CLUAP1: variants seen among roughly 807,000 people sequenced by gnomAD.
CLUAP1 encodes the protein intraflagellar transport 38.
In CLUAP1, 50 loss-of-function variants were observed where a neutral mutation model predicts 55.0. The ratio of observed to expected loss-of-function variants is 0.91; its 90% CI spans 0.72 to 1.15. CLUAP1 has a LOEUF of 1.15. Ranked by LOEUF, CLUAP1 falls within the 50% of genes most tolerant of loss-of-function variation. The pLI is 0.00. For missense variants in CLUAP1, 530 were observed against 507.6 expected (o/e 1.04, Z -0.42); for synonymous variants, 195 against 175.4 (o/e 1.11, Z -0.88).
At chr16:3,531,591 C>T (rs2038120748) in intron 10 of CLUAP1, among the ~76,000 whole-genome samples, 1 of 152,124 alleles carries the variant, frequency 6.6e-6, no homozygotes, top group Admixed American at 6.5e-5. Context: ...TGTGAATTCT[C>T]TCCTGGGGTC....
intron 10 of CLUAP1, among the ~76,000 whole-genome samples, chr16:3,531,792 T>G (rs1170940103): frequency 1.3e-5 from 2 of 152,030 alleles, no homozygotes; most frequent in Non-Finnish European, 2.9e-5. Flanking sequence ...TTTTTAAAAA[T>G]TAAGTACAAT....
chr16:3,511,474 C>A (rs887375644), intron 4 of CLUAP1, among the ~76,000 whole-genome samples: 5 of 152,164 alleles, frequency 3.3e-5, no homozygotes, highest in African/African-American at 1.2e-4. Flanking sequence ...GTGGGTGCCA[C>A]CCGATTTGCG....
chr16:3,527,329 A>C (rs2037964519), intron 9 of CLUAP1, among the ~76,000 whole-genome samples: 1 of 152,138 alleles, frequency 6.6e-6, no homozygotes, highest in Admixed American at 6.5e-5. Context: ...CAGGCCATAC[A>C]GATATAGGAG....
upstream of CLUAP1, among the ~76,000 whole-genome samples, chr16:3,498,190 G>A (rs1211321377): frequency 6.6e-6 from 1 of 152,058 alleles, no homozygotes; most frequent in African/African-American, 2.4e-5. Context: ...GGATGTCCCA[G>A]CCCATGAAGA....
upstream of CLUAP1, among the ~76,000 whole-genome samples, chr16:3,499,051 TAGAC>T (rs2037340608): frequency 1.3e-5 from 2 of 152,194 alleles, no homozygotes; most frequent in Non-Finnish European, 2.9e-5. Context: ...AGAAAATGAA[TAGAC>T]ATTTTTCCAA....
chr16:3,501,706 G>A (rs1276933840), intron 1 of CLUAP1, among the ~76,000 whole-genome samples: 1 of 151,934 alleles, frequency 6.6e-6, no homozygotes, highest in Non-Finnish European at 1.5e-5. Context: ...CGCTTTGGAG[G>A]TTGCGGTGAG....
At chr16:3,527,088 G>C (rs1426224575) in intron 9 of CLUAP1, among the ~76,000 whole-genome samples, 1 of 152,176 alleles carries the variant, frequency 6.6e-6, no homozygotes, top group African/African-American at 2.4e-5. Context: ...TCTGTGACCA[G>C]GCAGCTTCCC....
At position 3,532,917 on chromosome 16, in the gene CLUAP1, G is replaced by T. The variant is rs1439678295; in HGVS notation, c.1092+76G>T. The T allele has an allele frequency of 3.9e-6, 6 of 1,530,158 alleles. No individual in the cohort carries two copies. The African/African-American group carries it at 6.8e-5, about 17-fold the overall frequency. The allele number at this position is 1,530,158 out of a possible 1,614,324, so 94.8% of individuals were successfully genotyped here. A position where few individuals can be genotyped will look rare whatever the true frequency, so the allele number is the denominator to read the frequency against. ...CCCCATAGATGGGAGTGGCTGAGTT[G>T]CTGTCAGCAGCCAGGGAGCCGTCTA... On this transcript the variant is annotated intron_variant, in intron 11 of 11. Coordinates refer to ENST00000576634, the MANE Select transcript of CLUAP1 (RefSeq NM_015041.3).
intron 4 of CLUAP1, among the ~76,000 whole-genome samples, chr16:3,509,004 C>T (rs1057011296): frequency 6.6e-6 from 1 of 151,966 alleles, no homozygotes; most frequent in Admixed American, 6.6e-5. Context: ...CTCCTGTAAG[C>T]CAAACACTTT....
chr16:3,537,246 G>A lies in CLUAP1; in HGVS notation c.*975G>A, dbSNP rs1452027281. ...AGAAAAAGTGTTGGTACAGATTCAT[G>A]TTTCTGATTTAAAAAAACAACAACA... On this transcript the variant is annotated 3_prime_UTR_variant, in exon 12 of 12. Transcript: ENST00000576634. 2 of 152,152 alleles carry A rather than the reference G, an allele frequency of 1.3e-5. No homozygotes were observed. Among genetic ancestry groups the A allele is most frequent in the African/African-American group, 4.8e-5 (2 of 41,434 alleles). 9.4% of individuals were successfully genotyped at this position (152,152 alleles called of 1,614,324 possible).
intron 7 of CLUAP1, among the ~76,000 whole-genome samples, chr16:3,521,792 CG>C (rs2037841144): frequency 6.6e-6 from 1 of 151,414 alleles, no homozygotes; most frequent in Non-Finnish European, 1.5e-5. Flanking sequence ...CAGTGATTCA[CG>C]TCTATAATCC....
chr16:3,513,264 G>C (rs1224680804), intron 5 of CLUAP1, among the ~76,000 whole-genome samples: 1 of 152,132 alleles, frequency 6.6e-6, no homozygotes, highest in African/African-American at 2.4e-5. Context: ...ATTCTCCCGG[G>C]TGATTCTAAC....
chr16:3,512,589 T>C (rs2037651038), intron 5 of CLUAP1, 111 bp downstream of exon 5: 4 of 789,360 alleles, frequency 5.1e-6, no homozygotes, highest in African/African-American at 1.7e-5. Flanking sequence ...CCTGGTTGAA[T>C]GAGCTAATGT....
rs143126195 is a variant in CLUAP1, at chr16:3,536,209, A to G, written c.1180A>G (p.Thr394Ala). 54 of 1,614,170 alleles carry G rather than the reference A, an allele frequency of 3.3e-5. No homozygotes were observed. In the South Asian group the frequency reaches 4.5e-4, roughly 13 times the overall value. The change falls in exon 12 of 12, where the codon ACC becomes GCC. Residue 394 changes from threonine (T) to alanine (A), a missense_variant. Transcript: ENST00000576634. Reference sequence around the variant, plus strand: ...AGACGAGAGCATTTCTCTCTCACCAACCAAGCCCAATCGAAGGGTCCGGAA... The same window carrying G: ...AGACGAGAGCATTTCTCTCTCACCAGCCAAGCCCAATCGAAGGGTCCGGAA... ...LEDESISLSP[T>A]KPNRRVRKSE...
upstream of CLUAP1, among the ~76,000 whole-genome samples, chr16:3,500,081 G>T (rs1193951948): frequency 1.3e-5 from 2 of 152,222 alleles, no homozygotes; most frequent in African/African-American, 4.8e-5. Flanking sequence ...GCTGTGCCAC[G>T]CCTGGCGGGG....
At chr16:3,499,264 G>A (rs2037344374), upstream of CLUAP1, among the ~76,000 whole-genome samples, 1 of 152,190 alleles carries the variant, frequency 6.6e-6, no homozygotes, top group Admixed American at 6.5e-5. Context: ...AAAATCGCTT[G>A]AACCCTGGAG....
chr16:3,497,705 C>A (rs2037328616), upstream of CLUAP1, among the ~76,000 whole-genome samples: 1 of 152,178 alleles, frequency 6.6e-6, no homozygotes, highest in African/African-American at 2.4e-5. Flanking sequence ...CTCACTGCAA[C>A]CTCAACTTAC....
At chr16:3,498,101 G>C (rs1030000322), upstream of CLUAP1, among the ~76,000 whole-genome samples, 2 of 152,086 alleles carry the variant, frequency 1.3e-5, no homozygotes, top group Admixed American at 6.6e-5. Context: ...GGGTAGGGGT[G>C]GGGGTGAGGG....
chr16:3,508,684 C>T (rs940764364), intron 4 of CLUAP1, among the ~76,000 whole-genome samples: 1 of 152,122 alleles, frequency 6.6e-6, no homozygotes, highest in Admixed American at 6.6e-5. Flanking sequence ...AGCATTCAAG[C>T]GCTGAGGATA....
Sources: allele counts gnomAD v4.1 joint callset (sites outside exome capture counted in the v4.1 genomes callset), GRCh38; gene constraint gnomAD v4.1.1; transcripts MANE v1.5; gene names NCBI Gene and HGNC (gene_info 2026-07-23, HGNC 2026-07-21).